Variants in NCAM2 observed in about 807,000 individuals in gnomAD.
NCAM2 encodes N-CAM-2.
In NCAM2, 30 loss-of-function variants were observed where a neutral mutation model predicts 98.1. The observed-to-expected ratio is 0.31, with a 90% CI of 0.23 to 0.41. The LOEUF (loss-of-function observed/expected upper bound fraction) is 0.41. Among genes scored for constraint, NCAM2 ranks in the 10% least tolerant of loss-of-function variants. The pLI, the probability that NCAM2 is intolerant of heterozygous loss-of-function variation, is 1.00. For missense variants in NCAM2, 867 were observed against 1,005.8 expected, an observed-to-expected ratio of 0.86 and a Z score of 1.87; for synonymous variants, 368 against 342.4, an observed-to-expected ratio of 1.07 and a Z score of -0.83.
chr21:21,534,842 TTGTA>T (rs1375700618), intron 17 of NCAM2, among the ~76,000 whole-genome samples, 186 bp downstream of exon 17: 1 of 152,118 alleles, frequency 6.6e-6, no homozygotes, highest in African/African-American at 2.4e-5. Flanking sequence ...CATGAAAACT[TTGTA>T]TGAATGTCAG....
intron 11 of NCAM2, among the ~76,000 whole-genome samples, chr21:21,421,800 A>G (rs907838935): frequency 2.0e-5 from 3 of 152,206 alleles, no homozygotes; most frequent in Admixed American, 6.5e-5. Context: ...GTAAGAGAAT[A>G]CCTTACTTCC....
intron 12 of NCAM2, among the ~76,000 whole-genome samples, chr21:21,457,446 C>A (rs1569084577): frequency 6.6e-6 from 1 of 152,066 alleles, no homozygotes; most frequent in Non-Finnish European, 1.5e-5. Context: ...TCGAGACCAG[C>A]CTGGCCAATA....
intron 1 of NCAM2, among the ~76,000 whole-genome samples, chr21:21,164,780 TA>T (rs939975184): frequency 2.0e-5 from 3 of 152,308 alleles, no homozygotes; most frequent in African/African-American, 7.2e-5. Context: ...TGCCTGGTGT[TA>T]GGGGTCAAAT....
At chr21:21,392,792 G>T (rs1281511787) in intron 9 of NCAM2, among the ~76,000 whole-genome samples, 1 of 152,050 alleles carries the variant, frequency 6.6e-6, no homozygotes, top group Admixed American at 6.6e-5. Context: ...ACTTTTTAAT[G>T]GGGTTGGTTT....
At chr21:21,137,560 C>T (rs2067084031) in intron 1 of NCAM2, among the ~76,000 whole-genome samples, 1 of 152,084 alleles carries the variant, frequency 6.6e-6, no homozygotes, top group Non-Finnish European at 1.5e-5. Flanking sequence ...AGGCGGATCA[C>T]CTGAGGTGAC....
At chr21:21,313,575 T>C (rs1362535853) in intron 5 of NCAM2, among the ~76,000 whole-genome samples, 1 of 152,002 alleles carries the variant, frequency 6.6e-6, no homozygotes, top group African/African-American at 2.4e-5. Flanking sequence ...TATTTTATTC[T>C]AGTTTTATCA....
intron 1 of NCAM2, among the ~76,000 whole-genome samples, chr21:21,022,910 AAGTT>A (rs1486589936): frequency 6.6e-6 from 1 of 152,178 alleles, no homozygotes; most frequent in African/African-American, 2.4e-5. Context: ...AGCATAATAA[AAGTT>A]AGAGTAGAAG....
At chr21:21,336,968 G>A (rs751521930) in intron 7 of NCAM2, among the ~76,000 whole-genome samples, 16 of 152,108 alleles carry the variant, frequency 1.1e-4, no homozygotes, top group Admixed American at 3.9e-4. Flanking sequence ...TAAGAGCCTG[G>A]AGAAGATTGT....
intron 15 of NCAM2, among the ~76,000 whole-genome samples, chr21:21,506,102 A>G (rs538447103): frequency 6.6e-6 from 1 of 152,204 alleles, no homozygotes; most frequent in Non-Finnish European, 1.5e-5. Flanking sequence ...ATTGTCATTG[A>G]TCTATAGGAT....
intron 15 of NCAM2, among the ~76,000 whole-genome samples, chr21:21,502,925 A>G (rs1987729315): frequency 6.6e-6 from 1 of 151,994 alleles, no homozygotes; most frequent in Non-Finnish European, 1.5e-5. Context: ...ATGCACATAG[A>G]AAAAAGTTAA....
intron 1 of NCAM2, among the ~76,000 whole-genome samples, chr21:21,269,369 C>T (rs73318664): frequency 0.012 from 1,829 of 152,222 alleles, 33 homozygotes; most frequent in African/African-American, 0.042. Flanking sequence ...ATGGCTACAT[C>T]GCAGCACACT....
intron 1 of NCAM2, among the ~76,000 whole-genome samples, chr21:21,085,885 G>A (rs1026336212): frequency 6.6e-6 from 1 of 152,170 alleles, no homozygotes; most frequent in Non-Finnish European, 1.5e-5. Flanking sequence ...TGATTTTTAA[G>A]TGTGTATGAT....
At chr21:21,504,211 C>T (rs1010715135) in intron 15 of NCAM2, among the ~76,000 whole-genome samples, 5 of 151,806 alleles carry the variant, frequency 3.3e-5, no homozygotes, top group African/African-American at 9.7e-5. Context: ...TAGTGATTCA[C>T]GTGTACAGTT....
At chr21:21,023,233 G>A in intron 1 of NCAM2, among the ~76,000 whole-genome samples, 1 of 152,102 alleles carries the variant, frequency 6.6e-6, no homozygotes, top group East Asian at 1.9e-4. Flanking sequence ...TATTAAGAAG[G>A]AATATTAAGG....
chr21:21,091,962 C>A (rs986585699), intron 1 of NCAM2, among the ~76,000 whole-genome samples: 1 of 151,838 alleles, frequency 6.6e-6, no homozygotes, highest in Non-Finnish European at 1.5e-5. Context: ...GTTTTAGATA[C>A]CTCTGTTTTT....
chr21:21,363,987 G>A (rs1377072755), intron 8 of NCAM2, among the ~76,000 whole-genome samples: 2 of 151,974 alleles, frequency 1.3e-5, no homozygotes, highest in Admixed American at 1.3e-4. Flanking sequence ...TGTATATAGA[G>A]TGTTTGTATA....
intron 1 of NCAM2, among the ~76,000 whole-genome samples, chr21:21,241,250 T>C (rs2071054703): frequency 6.6e-6 from 1 of 152,134 alleles, no homozygotes; most frequent in Non-Finnish European, 1.5e-5. Flanking sequence ...TATTGTTCTT[T>C]TGGAAATTAT....
In NCAM2 at chr21:21,054,740, T is replaced by G. The variant is rs188694212; in HGVS notation, c.55+56122T>G. ...ATTCAAGTCTCTCTGTTAAATTAGA[T>G]TTTGAAAATTTGTCTCAAAGAGAAC... On this transcript the variant is annotated intron_variant, in intron 1 of 17. Coordinates refer to ENST00000400546, the MANE Select transcript of NCAM2 (RefSeq NM_004540.5). 1.7e-3 allele frequency among the ~76,000 whole-genome samples: 262 copies of G among 152,188 alleles called. 2 individuals are homozygous for G. The highest frequency in any genetic ancestry group is 6.3e-3 in the African/African-American group (261 of 41,588).
chr21:21,456,686 T>G (rs1982197098), intron 12 of NCAM2, among the ~76,000 whole-genome samples: 1 of 152,184 alleles, frequency 6.6e-6, no homozygotes, highest in Non-Finnish European at 1.5e-5. Flanking sequence ...TTTGGTACCC[T>G]CAAAATTTAT....
Sources: gnomAD v4.1 joint callset for allele counts (sites outside exome capture counted in the v4.1 genomes callset) on GRCh38, gnomAD v4.1.1 for gene constraint, MANE v1.5 for transcripts, NCBI Gene and HGNC (gene_info 2026-07-23, HGNC 2026-07-21) for gene names.